SHROOM2: variants seen among roughly 807,000 people sequenced by gnomAD.
SHROOM2 encodes the protein shroom family member 2, also known as protein Shroom2.
Under a neutral mutation model 75.9 loss-of-function variants are expected in SHROOM2, and 33 were observed. The ratio of observed to expected loss-of-function variants is 0.43; its 90% CI spans 0.33 to 0.58. The LOEUF is 0.58. Ranked by LOEUF, SHROOM2 falls within the 20% of genes least tolerant of loss-of-function variation. The pLI is 0.04. For synonymous variants in SHROOM2, 655 were observed against 663.6 expected (o/e 0.99, Z 0.20); for missense variants, 1,434 against 1,461.2 (o/e 0.98, Z 0.30).
intron 6 of SHROOM2, among the ~76,000 whole-genome samples, chrX:9,934,173 A>G (rs1267969891): frequency 8.9e-6 from 1 of 111,929 alleles, no homozygotes; most frequent in Non-Finnish European, 1.9e-5. Flanking sequence ...ATGTGGGGCA[A>G]AGAAAACCAA....
intron 1 of SHROOM2, among the ~76,000 whole-genome samples, chrX:9,842,150 G>A (rs763892611): frequency 9.0e-6 from 1 of 111,619 alleles, no homozygotes; most frequent in Non-Finnish European, 1.9e-5. Context: ...AAGATTTTAG[G>A]TTGTAAATTT....
chrX:9,925,970 T>C (rs1416861728), intron 5 of SHROOM2, among the ~76,000 whole-genome samples: 1 of 111,387 alleles, frequency 9.0e-6, no homozygotes, highest in Admixed American at 9.6e-5. Context: ...CATGGTGTTA[T>C]GCTTTGGGAA....
chrX:9,927,126 A>ATC (rs1314494262), intron 5 of SHROOM2, among the ~76,000 whole-genome samples: 2 of 110,341 alleles, frequency 1.8e-5, no homozygotes. Context: ...AGGCAAAAGG[A>ATC]TCACTTGAGC....
chrX:9,924,071 G>C (rs2084571595), intron 5 of SHROOM2, among the ~76,000 whole-genome samples: 1 of 112,232 alleles, frequency 8.9e-6, no homozygotes, highest in South Asian at 3.7e-4. Context: ...CATGGCACTA[G>C]AATCCTGGCA....
chrX:9,911,673 G>A (rs1304036345), intron 5 of SHROOM2, among the ~76,000 whole-genome samples: 1 of 111,493 alleles, frequency 9.0e-6, no homozygotes, highest in African/African-American at 3.3e-5. Context: ...AATTGGGAAA[G>A]TCAGGTCCAG....
chrX:9,793,654 C>A (rs2083679604), intron 1 of SHROOM2, among the ~76,000 whole-genome samples: 1 of 110,875 alleles, frequency 9.0e-6, no homozygotes, highest in African/African-American at 3.3e-5. Context: ...AATTCTTGGC[C>A]CTTCATACCC....
At chrX:9,836,955 A>G (rs933158556) in intron 1 of SHROOM2, among the ~76,000 whole-genome samples, 32 of 112,253 alleles carry the variant, frequency 2.9e-4, no homozygotes, top group Non-Finnish European at 5.1e-4. Flanking sequence ...CTCCCTGTAC[A>G]TGGAATCCTG....
rs776124308 is a variant in SHROOM2 at position 9,815,571 on chromosome X, C to CCTATATCTATATCTATATCTATAT, written c.165+28873_165+28896dup. The stretch of plus-strand genomic sequence containing the variant: ...TCCTATATCTATCCTATATCTATAT[C>CCTATATCTATATCTATATCTATAT]CTATATCTATATCTATATCTATATC... On this transcript the variant is annotated intron_variant, in intron 1 of 9. Transcript: ENST00000380913. Among the ~76,000 whole-genome samples, 892 of 96,511 alleles carry CCTATATCTATATCTATATCTATAT rather than the reference C, an allele frequency of 9.2e-3. 37 individuals are homozygous for CCTATATCTATATCTATATCTATAT. Among genetic ancestry groups the CCTATATCTATATCTATATCTATAT allele is most frequent in the Admixed American group, 0.06 (476 of 7,974 alleles). The allele number at this position is 96,511 out of a possible 115,157, so 83.8% of individuals were successfully genotyped here.
At chrX:9,836,576 C>T (rs929301504) in intron 1 of SHROOM2, among the ~76,000 whole-genome samples, 2 of 83,074 alleles carry the variant, frequency 2.4e-5, no homozygotes, top group Non-Finnish European at 4.5e-5. Flanking sequence ...ACAGCTTTAT[C>T]GAGATATGTG....
chrX:9,926,785 A>G (rs2084597977), intron 5 of SHROOM2, among the ~76,000 whole-genome samples: 1 of 111,266 alleles, frequency 9.0e-6, no homozygotes, highest in Admixed American at 9.6e-5. Context: ...CAGGCTATCT[A>G]TATAAAGTGT....
intron 5 of SHROOM2, chrX:9,913,146 G>T (rs140864395): frequency 1.8e-5 from 2 of 112,240 alleles, no homozygotes; most frequent in African/African-American, 6.5e-5. Flanking sequence ...TGCCTGCCTC[G>T]TTTGCCTTTT....
At chrX:9,866,084 A>ATTTT (rs773543500) in intron 1 of SHROOM2, among the ~76,000 whole-genome samples, 1 of 78,761 alleles carries the variant, frequency 1.3e-5, no homozygotes, top group African/African-American at 5.2e-5. Context: ...GGGGCCAGGA[A>ATTTT]TTTTTTTTTT....
intron 1 of SHROOM2, among the ~76,000 whole-genome samples, chrX:9,792,114 T>A (rs1194435325): frequency 3.6e-4 from 7 of 19,414 alleles, no homozygotes; most frequent in Admixed American, 1.0e-3. Flanking sequence ...TAGAATAGAA[T>A]AGAATAGAAT....
Position 9,894,397 on chromosome X carries a change from G to A in SHROOM2, c.489G>A (p.Thr163=), listed in dbSNP as rs377602826. ...ACCTGTCCAGTTCCTGGGAGCAGAC[G>A]AACCTACAGCGCACCTTAGATCACT... The part of the protein sequence containing the change: ...SHDLSSSWEQ[T]NLQRTLDHFS... The change falls in exon 4 of 10, where the codon ACG becomes ACA. Residue 163 remains threonine (T), a synonymous_variant. Transcript: ENST00000380913. 30 of 1,208,171 alleles carry A rather than the reference G, an allele frequency of 2.5e-5. No individual in the cohort carries two copies. The Middle Eastern group carries it at 9.2e-4, about 37-fold the overall frequency.
At chrX:9,791,607 C>T (rs902547126) in intron 1 of SHROOM2, among the ~76,000 whole-genome samples, 1 of 112,177 alleles carries the variant, frequency 8.9e-6, no homozygotes, top group Admixed American at 9.5e-5. Flanking sequence ...TCTGCAAGCC[C>T]TCTTCCTACA....
intron 5 of SHROOM2, among the ~76,000 whole-genome samples, chrX:9,908,976 A>AAATAAATAAATAAATAAAT (rs2084406549): frequency 2.6e-5 from 2 of 76,066 alleles, no homozygotes; most frequent in Non-Finnish European, 2.8e-5. Flanking sequence ...AATAAATAAA[A>AAATAAATAAATAAATAAAT]ACAAAAATAA....
intron 5 of SHROOM2, among the ~76,000 whole-genome samples, chrX:9,902,432 T>G (rs763356298): frequency 1.8e-5 from 2 of 111,757 alleles, no homozygotes; most frequent in Admixed American, 9.5e-5. Context: ...GATTGGTGGC[T>G]GAATGGATAA....
intron 5 of SHROOM2, among the ~76,000 whole-genome samples, chrX:9,914,602 T>A (rs1407683351): frequency 9.0e-6 from 1 of 111,295 alleles, no homozygotes; most frequent in Non-Finnish European, 1.9e-5. Context: ...CTTGGATGTC[T>A]GAAGAGGTCC....
At chrX:9,867,995 C>T (rs2084149742) in intron 1 of SHROOM2, among the ~76,000 whole-genome samples, 1 of 110,344 alleles carries the variant, frequency 9.1e-6, no homozygotes, top group Admixed American at 9.7e-5. Flanking sequence ...GACTTGCTTA[C>T]ACACGTGCTT....
Sources: allele counts gnomAD v4.1 joint callset (sites outside exome capture counted in the v4.1 genomes callset), GRCh38; gene constraint gnomAD v4.1.1; transcripts MANE v1.5; gene names NCBI Gene and HGNC (gene_info 2026-07-23, HGNC 2026-07-21).